SHTN1: variants seen among roughly 807,000 people sequenced by gnomAD.
SHTN1 encodes shootin 1.
Under a neutral mutation model 83.1 loss-of-function variants are expected in SHTN1, and 42 were observed. The observed-to-expected ratio is 0.51, with a 90% CI of 0.39 to 0.65. The LOEUF is 0.65. SHTN1 is among the 30% of genes least tolerant of loss of function. The pLI, the probability that SHTN1 is intolerant of heterozygous loss-of-function variation, is 0.00. For missense variants in SHTN1, 622 were observed against 737.8 expected (o/e 0.84, Z 1.82); for synonymous variants, 224 against 247.7 (o/e 0.90, Z 0.90).
chr10:116,883,001 T>C lies in SHTN1; in HGVS notation c.*3343A>G, dbSNP rs892706828. 4 of 144,238 alleles carry C rather than the reference T, an allele frequency of 2.8e-5. 1 individual carries two copies. The South Asian group carries it at 8.6e-4, about 31-fold the overall frequency. 8.9% of individuals were successfully genotyped at this position (144,238 alleles called of 1,614,324 possible). On this transcript the variant is annotated 3_prime_UTR_variant, in exon 17 of 17. Coordinates refer to ENST00000355371, the MANE Select transcript of SHTN1 (RefSeq NM_001127211.3). ...ACACACACACACACACACACACACATCATGAGACTATGCCCTGGAACAGTG... is the reference window on the plus strand; with the variant it reads ...ACACACACACACACACACACACACACCATGAGACTATGCCCTGGAACAGTG...
chr10:117,089,677 T>C (rs1273749250), intron 1 of SHTN1, among the ~76,000 whole-genome samples: 8 of 151,944 alleles, frequency 5.3e-5, no homozygotes, highest in Admixed American at 3.9e-4. Flanking sequence ...GGAGAAAATA[T>C]TTGCAAATCA....
intron 9 of SHTN1, among the ~76,000 whole-genome samples, chr10:116,935,580 G>A (rs1011437259): frequency 6.6e-6 from 1 of 152,022 alleles, no homozygotes; most frequent in Non-Finnish European, 1.5e-5. Context: ...TATTTTATTG[G>A]GGATTTTCAC....
intron 1 of SHTN1, among the ~76,000 whole-genome samples, chr10:116,997,459 T>C (rs909283129): frequency 2.6e-5 from 4 of 152,208 alleles, no homozygotes; most frequent in African/African-American, 7.2e-5. Context: ...CCTTAAGGCA[T>C]CTCTTGACTA....
intron 16 of SHTN1, 70 bp from the exon 17 acceptor site, chr10:116,886,636 G>A (rs2133294744): frequency 6.3e-7 from 1 of 1,587,834 alleles, no homozygotes; most frequent in East Asian, 2.2e-5. Flanking sequence ...TGATATTCTG[G>A]ATTCAGACTA....
intron 2 of SHTN1, among the ~76,000 whole-genome samples, chr10:117,025,619 G>A (rs1852323637): frequency 1.3e-5 from 2 of 152,132 alleles, no homozygotes; most frequent in South Asian, 4.1e-4. Flanking sequence ...CTAACCCCAG[G>A]CTGCACATCT....
In SHTN1 at chr10:116,906,755, GAAAAC is replaced by G. The variant is rs1847985616; in HGVS notation, c.1360-13_1360-9del. On this transcript the variant is annotated splice_polypyrimidine_tract_variant and intron_variant, in intron 14 of 16. Coordinates refer to ENST00000355371, the MANE Select transcript of SHTN1 (RefSeq NM_001127211.3). ...GGATTTGTTAAGTGTCCCCTAAAGT[GAAAAC>G]AAAACAAAAACAAAAAGGTTAATGT... is the stretch of plus-strand genomic sequence containing the variant. The G allele has an allele frequency of 1.9e-6, 3 of 1,595,530 alleles. No individual in the cohort carries two copies. In the East Asian group the frequency reaches 6.8e-5, roughly 36 times the overall value.
chr10:117,040,767 A>C (rs1852571983), intron 2 of SHTN1, among the ~76,000 whole-genome samples: 1 of 152,138 alleles, frequency 6.6e-6, no homozygotes, highest in African/African-American at 2.4e-5. Flanking sequence ...ACTTCACCTA[A>C]AATCTAAGTT....
At chr10:116,888,530 G>A (rs1436658668) in intron 16 of SHTN1, among the ~76,000 whole-genome samples, 1 of 152,170 alleles carries the variant, frequency 6.6e-6, no homozygotes, top group African/African-American at 2.4e-5. Flanking sequence ...AGAGACTGGG[G>A]ACAAACTAGA....
At chr10:116,922,686 C>T (rs1387719323) in intron 11 of SHTN1, among the ~76,000 whole-genome samples, 4 of 152,064 alleles carry the variant, frequency 2.6e-5, no homozygotes, top group Non-Finnish European at 4.4e-5. Flanking sequence ...CAGAGTAGGC[C>T]GTGTGCAGTG....
At chr10:116,952,642 T>C (rs1156246658) in intron 5 of SHTN1, among the ~76,000 whole-genome samples, 1 of 152,214 alleles carries the variant, frequency 6.6e-6, no homozygotes, top group Non-Finnish European at 1.5e-5. Flanking sequence ...TATTATCAAC[T>C]GTAAGCGCAA....
At chr10:116,905,786 G>C (rs566147681) in intron 15 of SHTN1, among the ~76,000 whole-genome samples, 2 of 152,308 alleles carry the variant, frequency 1.3e-5, no homozygotes, top group East Asian at 3.9e-4. Flanking sequence ...CTTTAAGGTA[G>C]TTTTTTGAAG....
chr10:117,119,651 A>T (rs1853895933), intron 1 of SHTN1, among the ~76,000 whole-genome samples: 1 of 152,222 alleles, frequency 6.6e-6, no homozygotes, highest in Non-Finnish European at 1.5e-5. Flanking sequence ...TGATACAGCA[A>T]GCCCACTGCT....
intron 7 of SHTN1, among the ~76,000 whole-genome samples, chr10:116,948,465 A>T (rs1362934004): frequency 1.3e-5 from 2 of 152,240 alleles, no homozygotes; most frequent in Non-Finnish European, 2.9e-5. Context: ...TGCACTTTGT[A>T]TACCAATCTA....
intron 1 of SHTN1, among the ~76,000 whole-genome samples, chr10:117,097,675 A>G (rs1305067075): frequency 6.6e-6 from 1 of 152,224 alleles, no homozygotes; most frequent in East Asian, 1.9e-4. Flanking sequence ...CAGATTTTCA[A>G]CCATGACCCA....
intron 1 of SHTN1, among the ~76,000 whole-genome samples, chr10:117,062,242 G>A (rs1469976558): frequency 6.6e-6 from 1 of 152,192 alleles, no homozygotes; most frequent in Non-Finnish European, 1.5e-5. Flanking sequence ...GGAAGAGAAT[G>A]ATATGATTTA....
At chr10:116,946,402 AAT>A (rs1433378660) in intron 7 of SHTN1, among the ~76,000 whole-genome samples, 1 of 146,780 alleles carries the variant, frequency 6.8e-6, no homozygotes, top group East Asian at 1.9e-4. Flanking sequence ...TATGTATAAA[AAT>A]ATATGTATTA....
chr10:116,987,713 G>C (rs185296812), intron 1 of SHTN1, among the ~76,000 whole-genome samples: 2 of 152,012 alleles, frequency 1.3e-5, no homozygotes, highest in Non-Finnish European at 2.9e-5. Flanking sequence ...TCAGGAGATC[G>C]AGACCATCAT....
intron 1 of SHTN1, among the ~76,000 whole-genome samples, chr10:116,986,815 G>A (rs1004032198): frequency 7.1e-6 from 1 of 141,714 alleles, no homozygotes; most frequent in African/African-American, 2.7e-5. Context: ...TGCAACTTCT[G>A]CCTTCCGGGT....
intron 1 of SHTN1, among the ~76,000 whole-genome samples, chr10:117,117,963 C>T (rs1853872665): frequency 6.6e-6 from 1 of 152,142 alleles, no homozygotes; most frequent in African/African-American, 2.4e-5. Context: ...TGGGGAAATG[C>T]TCCAGGGCAT....
Sources: allele counts gnomAD v4.1 joint callset (sites outside exome capture counted in the v4.1 genomes callset), GRCh38; gene constraint gnomAD v4.1.1; transcripts MANE v1.5; gene names NCBI Gene and HGNC (gene_info 2026-07-23, HGNC 2026-07-21).